Variants in LPA observed in about 807,000 individuals in gnomAD.
LPA encodes apolipoprotein(a).
In LPA, 199 loss-of-function variants were observed where a neutral mutation model predicts 197.9. The ratio of observed to expected loss-of-function variants is 1.01; its 90% confidence interval spans 0.90 to 1.13. LPA has a LOEUF of 1.13. LPA is among the 50% of genes most tolerant of loss of function. LPA has a pLI of 0.00. For missense variants in LPA, 1,853 were observed against 1,785.8 expected (o/e 1.04, Z -0.68); for synonymous variants, 715 against 639.5 (o/e 1.12, Z -1.78).
chr6:160,647,681 T>C (rs1779923786), intron 2 of LPA, among the ~76,000 whole-genome samples: 1 of 152,314 alleles, frequency 6.6e-6, no homozygotes, highest in Admixed American at 6.5e-5. Flanking sequence ...ACATTAACCT[T>C]TTATTAGTAT....
At chr6:160,577,965 C>T (rs1583591980) in intron 27 of LPA, among the ~76,000 whole-genome samples, 1 of 152,180 alleles carries the variant, frequency 6.6e-6, no homozygotes, top group East Asian at 1.9e-4. Context: ...AAATTTCTAA[C>T]TTCAAAGCTG....
At position 160,577,220 on chromosome 6, in the gene LPA, G is replaced by C. The variant is rs202206140; in HGVS notation, c.4547C>G (p.Thr1516Ser). 2.5e-6 allele frequency: 4 copies of C among 1,613,756 alleles called. No individual in the cohort carries two copies. Among genetic ancestry groups the C allele is most frequent in the Non-Finnish European group, 3.4e-6 (4 of 1,179,872 alleles). Residue 1516 changes from threonine (T) to serine (S), a missense_variant, in exon 28 of 39, where the codon ACC (threonine) becomes AGC (serine). By Grantham distance (58) the Thr-to-Ser change is moderately conservative (BLOSUM62 1). Around this residue, in one of 3 missense-constraint regions of LPA, gnomAD observed 1,737 missense variants for 1,504.4 expected, o/e 1.15. Coordinates refer to ENST00000316300, the MANE Select transcript of LPA (RefSeq NM_005577.4). ...DGRSYRGISS[T>S]TVTGRTCQSW... The stretch of plus-strand genomic sequence containing the variant: ...TTGACAGGTCCTTCCTGTGACAGTG[G>C]TGGAGGATATGCCTCGATAACTCCG...
chr6:160,657,805 C>A (rs1476545019), intron 1 of LPA, among the ~76,000 whole-genome samples: 2 of 152,186 alleles, frequency 1.3e-5, no homozygotes, highest in Non-Finnish European at 2.9e-5. Context: ...GTCCCTTCCA[C>A]CATTATCCCT....
rs749671288 is a variant in LPA at position 160,594,083 on chromosome 6, G to A, written c.3504C>T (p.Cys1168=). The A allele has an allele frequency of 3.1e-6, 5 of 1,613,912 alleles. No individual in the cohort carries two copies. The Admixed American group carries it at 8.3e-5, about 27-fold the overall frequency. The change falls in exon 22 of 39, where the codon TGC becomes TGT. Residue 1168 remains cysteine, a synonymous_variant. Coordinates refer to ENST00000316300, the MANE Select transcript of LPA (RefSeq NM_005577.4). ...GATAACTCTGTCCATCACCATGGTA[G>A]CAATCCTGGACCCCGGGGCTTTGCT... ...PTEQSPGVQD[C]YHGDGQSYRG...
In LPA at chr6:160,608,714, C is replaced by T. The variant is rs547856637; in HGVS notation, c.2604-2056G>A. ...GTATTTGTTTCTGTTTCCAATCTCC[C>T]GTTCTCTTTTCTGTGACTTGCTTCC... On this transcript the variant is annotated intron_variant, in intron 16 of 38. Coordinates refer to ENST00000316300, the MANE Select transcript of LPA (RefSeq NM_005577.4). Among the ~76,000 whole-genome samples, 18 of 152,146 alleles carry T rather than the reference C, an allele frequency of 1.2e-4. 1 individual carries two copies. The East Asian group carries it at 3.3e-3, about 28-fold the overall frequency.
intron 2 of LPA, among the ~76,000 whole-genome samples, chr6:160,648,266 T>C (rs1354586282): frequency 6.6e-6 from 1 of 152,228 alleles, no homozygotes; most frequent in Non-Finnish European, 1.5e-5. Context: ...TACGAGATTT[T>C]TCTGTGTATT....
intron 23 of LPA, 129 bp downstream of exon 23, chr6:160,590,815 C>T: frequency 1.5e-6 from 2 of 1,303,512 alleles, no homozygotes; most frequent in Admixed American, 1.9e-5. Flanking sequence ...AGGCTTCCTT[C>T]CCATTGGCTG....
chr6:160,576,394 A>ATATACATATATATATATATATATGTG (rs1778672725), intron 28 of LPA, among the ~76,000 whole-genome samples: 1 of 53,752 alleles, frequency 1.9e-5, no homozygotes, highest in Non-Finnish European at 4.7e-5. Flanking sequence ...ATATATGTAT[A>ATATACATATATATATATATATATGTG]TATATATATA....
intron 1 of LPA, among the ~76,000 whole-genome samples, chr6:160,654,050 AATATATT>A (rs1465751682): frequency 0.01 from 86 of 8,350 alleles, 8 homozygotes; most frequent in African/African-American, 0.011. Flanking sequence ...TATAATATAT[AATATATT>A]ATATATATTA....
intron 29 of LPA, among the ~76,000 whole-genome samples, chr6:160,557,145 T>A (rs1012857594): frequency 1.3e-5 from 2 of 152,146 alleles, no homozygotes; most frequent in African/African-American, 4.8e-5. Flanking sequence ...AACACCGAGA[T>A]AACCCCTTTC....
intron 28 of LPA, among the ~76,000 whole-genome samples, chr6:160,570,505 G>A (rs1223285041): frequency 6.6e-6 from 1 of 152,148 alleles, no homozygotes; most frequent in Non-Finnish European, 1.5e-5. Flanking sequence ...GGAGTGGGGA[G>A]GGATAGTATT....
intron 37 of LPA, among the ~76,000 whole-genome samples, chr6:160,534,187 T>C (rs1777849398): frequency 1.3e-5 from 2 of 152,148 alleles, no homozygotes; most frequent in Non-Finnish European, 1.5e-5. Flanking sequence ...CTACCGAGCA[T>C]TGGGCATGGG....
chr6:160,546,396 C>G (rs1778071919), intron 32 of LPA, among the ~76,000 whole-genome samples: 2 of 152,182 alleles, frequency 1.3e-5, no homozygotes, highest in Admixed American at 1.3e-4. Context: ...AGCCCCTTCC[C>G]ACGTGCCTTG....
chr6:160,534,396 G>C (rs1457397782), intron 37 of LPA, among the ~76,000 whole-genome samples: 1 of 152,170 alleles, frequency 6.6e-6, no homozygotes, highest in East Asian at 1.9e-4. Context: ...GGCCAATGTA[G>C]AGATGGCACC....
intron 18 of LPA, among the ~76,000 whole-genome samples, chr6:160,604,723 G>C (rs2115058851): frequency 6.6e-6 from 1 of 152,270 alleles, no homozygotes; most frequent in Middle Eastern, 3.4e-3. Flanking sequence ...GAATTCCAAG[G>C]AGAAAAGGCT....
Position 160,589,582 on chromosome 6 carries a change from A to G in LPA, c.3918T>C (p.His1306=). 1 of 1,613,902 alleles carries G rather than the reference A, an allele frequency of 6.2e-7. No homozygotes were observed. The highest frequency in any genetic ancestry group is 8.5e-7 in the Non-Finnish European group (1 of 1,179,858). The change falls in exon 24 of 39, where the codon CAT becomes CAC. Residue 1306 remains histidine, a synonymous_variant. Transcript: ENST00000316300. ...QSWSSMTPHW[H]QRTTEYYPNG... The stretch of plus-strand genomic sequence containing the variant: ...TTGGGTAGTATTCTGTGGTTCTCTG[A>G]TGCCAGTGTGGTGTCATAGAGGACC...
At chr6:160,566,330 C>G (rs558161462) in intron 28 of LPA, among the ~76,000 whole-genome samples, 1 of 151,732 alleles carries the variant, frequency 6.6e-6, no homozygotes, top group East Asian at 2.0e-4. Context: ...GAGTGGCAGC[C>G]AATATTCAAC....
chr6:160,610,747 G>A (rs1562344521), intron 16 of LPA, among the ~76,000 whole-genome samples: 1 of 152,120 alleles, frequency 6.6e-6, no homozygotes, highest in Admixed American at 6.5e-5. Context: ...GCTACAGGCT[G>A]CTTGAGCTCC....
chr6:160,578,850 A>G, intron 26 of LPA, 146 bp from the exon 27 acceptor site: 3 of 1,231,320 alleles, frequency 2.4e-6, no homozygotes, highest in African/African-American at 1.5e-5. Flanking sequence ...CACAAGCACA[A>G]ATGGTCTTCA....
Sources: gnomAD v4.1 joint callset for allele counts (sites outside exome capture counted in the v4.1 genomes callset) on GRCh38, gnomAD v4.1.1 for gene constraint, gnomAD v4.1.1 regional missense constraint, MANE v1.5 for transcripts, NCBI Gene and HGNC (gene_info 2026-07-23, HGNC 2026-07-21) for gene names.